TMTC2: variants seen among roughly 807,000 people sequenced by gnomAD.
TMTC2 encodes transmembrane O-mannosyltransferase targeting cadherins 2, also known as protein O-mannosyl-transferase TMTC2.
TMTC2 carries 43 observed loss-of-function variants against 82.4 expected under a neutral mutation model. The observed-to-expected ratio is 0.52, with a 90% CI of 0.41 to 0.67. The LOEUF (loss-of-function observed/expected upper bound fraction) is 0.67, where lower values mean the gene tolerates loss of function less well. TMTC2 is among the 30% of genes least tolerant of loss of function. TMTC2 has a pLI of 0.00. For synonymous variants in TMTC2, 408 were observed against 381.9 expected (o/e 1.07, Z -0.80); for missense variants, 919 against 1,012.4 (o/e 0.91, Z 1.25).
Position 82,997,221 on chromosome 12 carries a change from C to CTCTCTCTCTCTATATATA in TMTC2, c.2070+11176_2070+11177insCTCTCTCTCTATATATAT, listed in dbSNP as rs1451262969. Among the ~76,000 whole-genome samples, 62 of 118,540 alleles carry CTCTCTCTCTCTATATATA rather than the reference C, an allele frequency of 5.2e-4. 1 individual carries two copies. Among genetic ancestry groups the CTCTCTCTCTCTATATATA allele is most frequent in the African/African-American group, 2.1e-3 (57 of 27,258 alleles). 77.8% of individuals were successfully genotyped at this position (118,540 alleles called of 152,430 possible). ...TCCCCCTCTCCCTCTCTCTCTCTCT[C>CTCTCTCTCTCTATATATA]TATATATATATATAGTTATGTATAG... On this transcript the variant is annotated intron_variant, in intron 8 of 11. Coordinates refer to ENST00000321196, the MANE Select transcript of TMTC2 (RefSeq NM_152588.3).
chr12:82,859,443 C>T (rs1244070080), intron 2 of TMTC2, among the ~76,000 whole-genome samples: 2 of 152,200 alleles, frequency 1.3e-5, no homozygotes, highest in African/African-American at 4.8e-5. Context: ...TCAGGATTTA[C>T]TTGCAGGACC....
chr12:83,115,401 A>G (rs1019176290), intron 11 of TMTC2, among the ~76,000 whole-genome samples: 3 of 152,248 alleles, frequency 2.0e-5, no homozygotes, highest in Non-Finnish European at 4.4e-5. Flanking sequence ...TTAGAGAGAT[A>G]GATGATGCTT....
intron 1 of TMTC2, among the ~76,000 whole-genome samples, chr12:82,739,687 T>G (rs1875300579): frequency 1.3e-5 from 2 of 151,134 alleles, no homozygotes. Context: ...ACCAGACGTC[T>G]AAGTGAGTTG....
intron 11 of TMTC2, among the ~76,000 whole-genome samples, chr12:83,121,023 T>C (rs754458683): frequency 2.0e-5 from 3 of 152,168 alleles, no homozygotes; most frequent in Non-Finnish European, 2.9e-5. Flanking sequence ...TCTTTACTTA[T>C]GCTATTTCAG....
intron 1 of TMTC2, among the ~76,000 whole-genome samples, chr12:82,719,428 G>A (rs879522259): frequency 3.3e-5 from 5 of 152,030 alleles, no homozygotes; most frequent in Non-Finnish European, 5.9e-5. Flanking sequence ...GAATCATTAA[G>A]CACAGTTACA....
chr12:82,868,619 C>T (rs981077397), intron 2 of TMTC2, among the ~76,000 whole-genome samples: 1 of 151,278 alleles, frequency 6.6e-6, no homozygotes, highest in African/African-American at 2.4e-5. Context: ...CCCTGTTTCC[C>T]ATATATTTTC....
Position 83,024,376 on chromosome 12 carries a change from A to AC in TMTC2, c.2071-6421dup, listed in dbSNP as rs372037063. Among the ~76,000 whole-genome samples, 652 of 152,338 alleles carry AC rather than the reference A, an allele frequency of 4.3e-3. 4 individuals carry two copies. Among genetic ancestry groups the AC allele is most frequent in the African/African-American group, 0.014 (599 of 41,580 alleles). On this transcript the variant is annotated intron_variant, in intron 8 of 11. Coordinates refer to ENST00000321196, the MANE Select transcript of TMTC2 (RefSeq NM_152588.3). ...GGTTAAACAACATATTTTTCAAACT[A>AC]CACATAAGCTTTTGGACCTGTTTTA...
intron 11 of TMTC2, among the ~76,000 whole-genome samples, chr12:83,096,303 T>A (rs538048604): frequency 6.6e-6 from 1 of 152,348 alleles, no homozygotes; most frequent in South Asian, 2.1e-4. Context: ...ACTTGGCCTT[T>A]AGGCCCTGCA....
At chr12:82,870,153 T>C (rs1283302815) in intron 2 of TMTC2, among the ~76,000 whole-genome samples, 1 of 152,178 alleles carries the variant, frequency 6.6e-6, no homozygotes, top group Non-Finnish European at 1.5e-5. Flanking sequence ...GGTTCTTTTT[T>C]CCTTTGTTAA....
intron 1 of TMTC2, among the ~76,000 whole-genome samples, chr12:82,693,030 A>G (rs144508992): frequency 1.5e-3 from 229 of 152,290 alleles, no homozygotes; most frequent in African/African-American, 5.4e-3. Flanking sequence ...TTCTTTGTAT[A>G]TGTAGTGCAT....
At chr12:83,090,369 G>T (rs548402456) in intron 11 of TMTC2, among the ~76,000 whole-genome samples, 90 of 152,250 alleles carry the variant, frequency 5.9e-4, no homozygotes, top group Admixed American at 5.9e-3. Flanking sequence ...ATGCCCTTTA[G>T]AGAGAAAACT....
At chr12:83,012,943 A>G (rs959632035) in intron 8 of TMTC2, among the ~76,000 whole-genome samples, 2 of 152,116 alleles carry the variant, frequency 1.3e-5, no homozygotes, top group African/African-American at 4.8e-5. Flanking sequence ...GGCTTTACAT[A>G]AATGTGACAG....
intron 1 of TMTC2, among the ~76,000 whole-genome samples, chr12:82,825,958 G>A (rs942765611): frequency 3.3e-5 from 5 of 152,092 alleles, no homozygotes; most frequent in East Asian, 1.9e-4. Flanking sequence ...AAATTATTGC[G>A]AATGGAAAGT....
chr12:82,815,467 C>T (rs1039201910), intron 1 of TMTC2, among the ~76,000 whole-genome samples: 1 of 151,592 alleles, frequency 6.6e-6, no homozygotes, highest in Non-Finnish European at 1.5e-5. Flanking sequence ...CCCGCCACCA[C>T]GCCCAGCTAA....
chr12:82,905,711 G>A (rs1473950404), intron 3 of TMTC2, among the ~76,000 whole-genome samples: 1 of 152,014 alleles, frequency 6.6e-6, no homozygotes, highest in African/African-American at 2.4e-5. Context: ...TTGGGAGGCC[G>A]AGGCGGGCGG....
intron 1 of TMTC2, among the ~76,000 whole-genome samples, chr12:82,826,124 A>G (rs1164941845): frequency 6.6e-6 from 1 of 152,232 alleles, no homozygotes; most frequent in Non-Finnish European, 1.5e-5. Flanking sequence ...TACTAATCTT[A>G]TTCCAAAATA....
rs933864995 is a variant in TMTC2, at chr12:82,817,136, T to C, written c.84-39874T>C. Among the ~76,000 whole-genome samples, 20 of 151,918 alleles carry C rather than the reference T, an allele frequency of 1.3e-4. 2 individuals carry two copies. ...GCGCCCGCCACCACACCCTTGCTAATTTTTGTATTTTTAGGAGAGATGGGG... is the reference window on the plus strand; with the variant it reads ...GCGCCCGCCACCACACCCTTGCTAACTTTTGTATTTTTAGGAGAGATGGGG... On this transcript the variant is annotated intron_variant, in intron 1 of 11. Transcript: ENST00000321196.
chr12:82,705,119 A>G (rs914154054), intron 1 of TMTC2, among the ~76,000 whole-genome samples: 1 of 152,226 alleles, frequency 6.6e-6, no homozygotes, highest in Non-Finnish European at 1.5e-5. Context: ...GTTCTCACTC[A>G]TAAGTGGGAG....
rs1873670119 is a variant in TMTC2 at position 82,896,191 on chromosome 12, C to A, written c.1028C>A (p.Thr343Lys). 2 of 1,613,854 alleles carry A rather than the reference C, an allele frequency of 1.2e-6. No homozygotes were observed. Among genetic ancestry groups the A allele is most frequent in the Non-Finnish European group, 1.7e-6 (2 of 1,180,034 alleles). The change falls in exon 3 of 12, where the codon ACA (threonine) becomes AAA (lysine). Residue 343 changes from threonine to lysine, a missense_variant. Transcript: ENST00000321196. ...AGAGAATGCAATGGGAAAACTGTAA[C>A]AAATGGCAAGCAGAATGCAAATGGA... is the stretch of plus-strand genomic sequence containing the variant. ...VDRECNGKTV[T>K]NGKQNANGHS...
Sources: allele counts gnomAD v4.1 joint callset (sites outside exome capture counted in the v4.1 genomes callset), GRCh38; gene constraint gnomAD v4.1.1; transcripts MANE v1.5; gene names NCBI Gene and HGNC (gene_info 2026-07-23, HGNC 2026-07-21).